Variants in IL10 observed in about 807,000 individuals in gnomAD.
IL10 encodes the protein interleukin-10.
IL10 carries 7 observed loss-of-function variants against 21.0 expected under a neutral mutation model. That is an observed-to-expected ratio of 0.33 (90% CI 0.19 to 0.63). The LOEUF (loss-of-function observed/expected upper bound fraction) is 0.63. Among genes scored for constraint, IL10 ranks in the 20% least tolerant of loss-of-function variants. The pLI, the probability that IL10 is intolerant of heterozygous loss-of-function variation, is 0.77. For missense variants in IL10, 161 were observed against 213.0 expected, an observed-to-expected ratio of 0.76 and a Z score of 1.52; for synonymous variants, 83 against 79.7, an observed-to-expected ratio of 1.04 and a Z score of -0.22.
At chr1:206,771,294 G>A in intron 2 of IL10, 62 bp downstream of exon 2, 1 of 1,447,734 alleles carries the variant, frequency 6.9e-7, no homozygotes, top group Non-Finnish European at 9.7e-7. Context: ...CAATCAGGAA[G>A]CAGAGTCTCC....
At chr1:206,772,232 C>T (rs772598790) in intron 1 of IL10, 39 bp downstream of exon 1, 1 of 1,588,964 alleles carries the variant, frequency 6.3e-7, no homozygotes, top group Non-Finnish European at 8.6e-7. Context: ...TTCAGGCAGT[C>T]CCAGGAAGAG....
At position 206,771,435 on chromosome 1, in the gene IL10, A is replaced by C; in HGVS notation, c.166-20T>G. The C allele has an allele frequency of 1.3e-6, 2 of 1,589,842 alleles. No individual in the cohort carries two copies. The highest frequency in any genetic ancestry group is 1.7e-6 in the Non-Finnish European group (2 of 1,165,908). On this transcript the variant is annotated intron_variant, in intron 1 of 4. Transcript: ENST00000423557. ...CATTTGCTGCAGGAAGAACAAAAGG[A>C]GAATGAACTTGAGGTTTGGGGAAAT... is the stretch of plus-strand genomic sequence containing the variant.
intron 2 of IL10, 139 bp from the exon 3 acceptor site, chr1:206,771,198 T>A: frequency 8.4e-7 from 1 of 1,187,316 alleles, no homozygotes; most frequent in Non-Finnish European, 1.3e-6. Flanking sequence ...CTGAGCCCTT[T>A]GTAAACCCTC....
At chr1:206,769,752 C>T in intron 4 of IL10, 77 bp downstream of exon 4, 1 of 1,156,130 alleles carries the variant, frequency 8.6e-7, no homozygotes, top group Non-Finnish European at 1.3e-6. Flanking sequence ...GAGTCCCCAC[C>T]ACCTTCCATG....
Position 206,772,446 on chromosome 1 carries a change from G to C in IL10, c.-11C>G. ...TGCTGAGCTGTGCATGCCTTCTTTT[G>C]CAAGTCTGTCTTGTGGTTTGGTTTT... On this transcript the variant is annotated 5_prime_UTR_variant, in exon 1 of 5. Transcript: ENST00000423557. 1 of 1,613,774 alleles carries C rather than the reference G, an allele frequency of 6.2e-7. No homozygotes were observed. Among genetic ancestry groups the C allele is most frequent in the Non-Finnish European group, 8.5e-7 (1 of 1,179,992 alleles).
intron 4 of IL10, 38 bp downstream of exon 4, chr1:206,769,791 G>A (rs1454094514): frequency 1.0e-5 from 16 of 1,528,294 alleles, no homozygotes; most frequent in Admixed American, 1.7e-5. Context: ...GGCATGGGTT[G>A]TGCTCTGCAG....
At chr1:206,771,208 C>G (rs886869543) in intron 2 of IL10, 148 bp downstream of exon 2, 3 of 1,156,056 alleles carry the variant, frequency 2.6e-6, no homozygotes, top group Non-Finnish European at 3.9e-6. Flanking sequence ...TGTAAACCCT[C>G]TGGCTGCTGG....
intron 4 of IL10, 91 bp downstream of exon 4, chr1:206,769,738 T>C: frequency 1.0e-6 from 1 of 975,674 alleles, no homozygotes; most frequent in Non-Finnish European, 1.7e-6. Context: ...GAATGGGGCC[T>C]ATTGAGTCCC....
At chr1:206,770,160 G>A (rs542458008) in intron 3 of IL10, among the ~76,000 whole-genome samples, 4 of 152,264 alleles carry the variant, frequency 2.6e-5, no homozygotes, top group African/African-American at 7.2e-5. Flanking sequence ...AGTATCTCCT[G>A]CAGTGCTGAG....
chr1:206,770,911 C>T lies in IL10; in HGVS notation c.374G>A (p.Arg125His), dbSNP rs374619208. Residue 125 changes from arginine (R) to histidine (H), a missense_variant, in exon 3 of 5, where the codon CGC (arginine) becomes CAC (histidine). Physicochemically the swap from Arg to His is conservative, Grantham distance 29. Coordinates refer to ENST00000423557, the MANE Select transcript of IL10 (RefSeq NM_000572.3). ...AAAAACTGATCTGCTACTTACACAGCGCCGTAGCCTCAGCCTGAGGGTCTT... is the reference window on the plus strand; with the variant it reads ...AAAAACTGATCTGCTACTTACACAGTGCCGTAGCCTCAGCCTGAGGGTCTT... ...NLKTLRLRLR[R>H]CHRFLPCENK... 36 of 1,613,906 alleles carry T rather than the reference C, an allele frequency of 2.2e-5. No homozygotes were observed. Among genetic ancestry groups the T allele is most frequent in the Non-Finnish European group, 2.6e-5 (31 of 1,179,916 alleles).
intron 2 of IL10, 91 bp downstream of exon 2, chr1:206,771,265 A>T (rs1400547981): frequency 7.7e-6 from 10 of 1,306,800 alleles, no homozygotes; most frequent in Non-Finnish European, 1.1e-5. Flanking sequence ...AAAGCGAAGG[A>T]AACAAACCCA....
chr1:206,769,964 A>G, intron 3 of IL10, 70 bp from the exon 4 acceptor site: 1 of 1,282,658 alleles, frequency 7.8e-7, no homozygotes, highest in Non-Finnish European at 1.1e-6. Context: ...TTAGGGGACA[A>G]GCTGGTGGCA....
chr1:206,770,184 A>T (rs1156785650), intron 3 of IL10, among the ~76,000 whole-genome samples: 1 of 152,144 alleles, frequency 6.6e-6, no homozygotes, highest in African/African-American at 2.4e-5. Flanking sequence ...GGCATTCTTC[A>T]GCCTGTCCTT....
chr1:206,771,539 A>C, intron 1 of IL10, 124 bp from the exon 2 acceptor site: 1 of 782,888 alleles, frequency 1.3e-6, no homozygotes, highest in South Asian at 1.5e-5. Flanking sequence ...GCCCAAAAAA[A>C]TCAAAAGGGG....
At chr1:206,771,181 G>C (rs1043665980) in intron 2 of IL10, 122 bp from the exon 3 acceptor site, 1 of 1,243,400 alleles carries the variant, frequency 8.0e-7, no homozygotes, top group Non-Finnish European at 1.2e-6. Context: ...AAGCCTCCCC[G>C]AAGGGACTGA....
At chr1:206,771,802 T>C (rs1000660306) in intron 1 of IL10, among the ~76,000 whole-genome samples, 1 of 152,212 alleles carries the variant, frequency 6.6e-6, no homozygotes, top group African/African-American at 2.4e-5. Flanking sequence ...CCAGTTTAGC[T>C]TGGAAAGATC....
rs767158016 is a variant in IL10 at position 206,772,311 on chromosome 1, C to T, written c.125G>A (p.Arg42Gln). Residue 42 changes from arginine to glutamine, a missense_variant, in exon 1 of 5, where the codon CGA becomes CAA. Transcript: ENST00000423557. ...HFPGNLPNML[R>Q]DLRDAFSRVK... ...TCTGCTGAAGGCATCTCGGAGATCT[C>T]GAAGCATGTTAGGCAGGTTGCCTGG... is the stretch of plus-strand genomic sequence containing the variant. The T allele has an allele frequency of 4.3e-6, 7 of 1,614,074 alleles. No individual in the cohort carries two copies. The highest frequency in any genetic ancestry group is 3.3e-5 in the South Asian group (3 of 91,088).
Position 206,768,542 on chromosome 1 carries a change from C to G in IL10, c.*94G>C. ...ATAAGAGAGGTACAATAAGGTTTCT[C>G]AAGGGGCTGGGTCAGCTATCCCAGA... is the stretch of plus-strand genomic sequence containing the variant. On this transcript the variant is annotated 3_prime_UTR_variant, in exon 5 of 5. Coordinates refer to ENST00000423557, the MANE Select transcript of IL10 (RefSeq NM_000572.3). 1 of 738,604 alleles carries G rather than the reference C, an allele frequency of 1.4e-6. No homozygotes were observed. The highest frequency in any genetic ancestry group is 1.4e-5 in the South Asian group (1 of 69,358). 45.8% of individuals were successfully genotyped at this position (738,604 alleles called of 1,614,324 possible). A position where few individuals can be genotyped will look rare whatever the true frequency, so the allele number is the denominator to read the frequency against.
At position 206,772,182 on chromosome 1, in the gene IL10, C is replaced by T. The variant is rs371225550; in HGVS notation, c.165+89G>A. 2.2e-4 allele frequency: 251 copies of T among 1,137,464 alleles called. 1 individual carries two copies. In the African/African-American group the frequency reaches 2.3e-3, roughly 11 times the overall value. The allele number at this position is 1,137,464 out of a possible 1,614,324, so 70.5% of individuals were successfully genotyped here. A position where few individuals can be genotyped will look rare whatever the true frequency, so the allele number is the denominator to read the frequency against. ...TAGGTGTTGGGGATGGAGGTGGAGG[C>T]GCAGGAGGAGGGTTCTTATAGTTCC... is the stretch of plus-strand genomic sequence containing the variant. On this transcript the variant is annotated intron_variant, in intron 1 of 4. Transcript: ENST00000423557.
Sources: allele counts gnomAD v4.1 joint callset (sites outside exome capture counted in the v4.1 genomes callset), GRCh38; gene constraint gnomAD v4.1.1; transcripts MANE v1.5; gene names NCBI Gene and HGNC (gene_info 2026-07-23, HGNC 2026-07-21).